ULK1: variants seen among roughly 807,000 people sequenced by gnomAD.
ULK1 encodes unc-51 like autophagy activating kinase 1.
In ULK1, 48 loss-of-function variants were observed where a neutral mutation model predicts 117.5. That is an observed-to-expected ratio of 0.41 (90% CI 0.32 to 0.52). The LOEUF is 0.52. ULK1 is among the 20% of genes least tolerant of loss of function. The pLI, the probability that ULK1 is intolerant of heterozygous loss-of-function variation, is 0.29. For synonymous variants in ULK1, 790 were observed against 637.8 expected (o/e 1.24, Z -3.60); for missense variants, 1,387 against 1,473.4 (o/e 0.94, Z 0.96).
chr12:131,921,910 G>GT lies in ULK1; in HGVS notation c.*550dup, dbSNP rs1566132638. 2.2e-6 allele frequency: 1 copy of GT among 457,050 alleles called. No homozygotes were observed. Among genetic ancestry groups the GT allele is most frequent in the South Asian group, 1.5e-5 (1 of 64,572 alleles). The allele number at this position is 457,050 out of a possible 1,614,324, so 28.3% of individuals were successfully genotyped here. On this transcript the variant is annotated 3_prime_UTR_variant, in exon 28 of 28. Transcript: ENST00000321867. ...GGCAGCGATTCCTGGCAGTGGCCTG[G>GT]TGTTTGTACATACACATATGCAGAC...
chr12:131,913,576 A>G (rs902839355), intron 14 of ULK1, among the ~76,000 whole-genome samples, 171 bp from the exon 15 acceptor site: 4 of 151,494 alleles, frequency 2.6e-5, no homozygotes, highest in Non-Finnish European at 5.9e-5. Context: ...GTGGTGGCAC[A>G]TGCCTGTAAT....
At position 131,903,770 on chromosome 12, in the gene ULK1, C is replaced by T. The variant is rs1889173179; in HGVS notation, c.247-3122C>T. On this transcript the variant is annotated intron_variant, in intron 3 of 27. Transcript: ENST00000321867. The surrounding 1 kb of genome is among the most constrained non-coding windows in gnomAD (Gnocchi z 6.0). ...TTTCTGCAAGGGACCATTTGAAGTG[C>T]AGGGAAGAGGCTGGAGGTGCTTCGG... Among the ~76,000 whole-genome samples, 1 of 152,122 alleles carries T rather than the reference C, an allele frequency of 6.6e-6. No individual in the cohort carries two copies. Among genetic ancestry groups the T allele is most frequent in the Non-Finnish European group, 1.5e-5 (1 of 68,006 alleles).
chr12:131,912,085 T>G lies in ULK1; in HGVS notation c.1092T>G (p.Phe364Leu), dbSNP rs753224154. Residue 364 changes from phenylalanine (F) to leucine (L), a missense_variant, in exon 13 of 28, where the codon TTT (phenylalanine) becomes TTG (leucine). Physicochemically the swap from Phe to Leu is conservative, Grantham distance 22. Transcript: ENST00000321867. ...TDDFVMVPAQ[F>L]PGDLVAEAPS... ...ACTTCGTCATGGTCCCCGCGCAGTT[T>G]CCAGGTCAGGGGGCACGCTGGGCTT... The G allele has an allele frequency of 6.2e-7, 1 of 1,611,340 alleles. No homozygotes were observed. The highest frequency in any genetic ancestry group is 1.3e-5 in the African/African-American group (1 of 74,914).
intron 26 of ULK1, chr12:131,920,452 G>T (rs891371015): frequency 5.8e-6 from 2 of 345,664 alleles, no homozygotes; most frequent in Admixed American, 8.9e-5. Context: ...AGCAGCACCT[G>T]GTCCCGGACA....
rs1273529649 is a variant in ULK1, at chr12:131,902,701, T to C, written c.247-4191T>C. 6.6e-6 allele frequency among the ~76,000 whole-genome samples: 1 copy of C among 151,960 alleles called. No individual in the cohort carries two copies. On this transcript the variant is annotated intron_variant, in intron 3 of 27. Transcript: ENST00000321867. This position sits in a 1 kb window ranked among gnomAD's most constrained non-coding sequence, Gnocchi z 6.3. Reference sequence around the variant, plus strand: ...GACCCACCTCCCGGGGTGGGGGTGATGGTGCAGGGAGCCTGGTGTGTTTGA... The same window carrying C: ...GACCCACCTCCCGGGGTGGGGGTGACGGTGCAGGGAGCCTGGTGTGTTTGA...
intron 25 of ULK1, 125 bp downstream of exon 25, chr12:131,919,715 C>G (rs868051675): frequency 7.0e-6 from 8 of 1,145,448 alleles, no homozygotes; most frequent in African/African-American, 6.2e-5. Flanking sequence ...GCAGAGGCCC[C>G]GGGGCCTGGC....
At chr12:131,910,221 C>G in intron 10 of ULK1, 33 bp from the exon 11 acceptor site, 1 of 1,613,018 alleles carries the variant, frequency 6.2e-7, no homozygotes, top group East Asian at 2.2e-5. Flanking sequence ...AGCTGGGGTC[C>G]TCCTGAGGCC....
chr12:131,907,176 C>T (rs1434733070), intron 4 of ULK1, among the ~76,000 whole-genome samples: 9 of 152,186 alleles, frequency 5.9e-5, no homozygotes, highest in East Asian at 1.9e-4. Context: ...TGTGCCACCA[C>T]GCCCGGCTAA....
In ULK1 at chr12:131,903,258, G is replaced by A. The variant is rs1889154533; in HGVS notation, c.247-3634G>A. Among the ~76,000 whole-genome samples, 1 of 152,156 alleles carries A rather than the reference G, an allele frequency of 6.6e-6. No individual in the cohort carries two copies. The highest frequency in any genetic ancestry group is 6.5e-5 in the Admixed American group (1 of 15,286). On this transcript the variant is annotated intron_variant, in intron 3 of 27. Transcript: ENST00000321867. This position sits in a 1 kb window ranked among gnomAD's most constrained non-coding sequence, Gnocchi z 6.0. ...TTGTTTGTCCTCACTTCTCATCCCT[G>A]ACTCTGCCAGGGTTGGAGACAGCAA... is the stretch of plus-strand genomic sequence containing the variant.
In ULK1 at chr12:131,908,672, C is replaced by G; in HGVS notation, c.345C>G (p.Ile115Met). ...TGCGCACGCTGAGCGAGGACACCAT[C>G]AGGCTCTTCCTGCAGCAGATCGCGG... is the stretch of plus-strand genomic sequence containing the variant. ...HAMRTLSEDTIRLFLQQIAGA... is the reference protein window; with the variant it reads ...HAMRTLSEDTMRLFLQQIAGA... The change falls in exon 6 of 28, where the codon ATC (isoleucine) becomes ATG (methionine). Residue 115 changes from isoleucine to methionine, a missense_variant. Ile to Met is a conservative substitution (Grantham distance 10). Coordinates refer to ENST00000321867, the MANE Select transcript of ULK1 (RefSeq NM_003565.4). 2 of 1,572,688 alleles carry G rather than the reference C, an allele frequency of 1.3e-6. No homozygotes were observed. The highest frequency in any genetic ancestry group is 1.7e-6 in the Non-Finnish European group (2 of 1,163,988).
chr12:131,920,097 C>T lies in ULK1; in HGVS notation c.2922C>T (p.Ile974=), dbSNP rs1386691761. Residue 974 remains isoleucine, a synonymous_variant, in exon 26 of 28, where the codon ATC becomes ATT. Transcript: ENST00000321867. ...GGCTCCTGGACCGCATTCACAGCAT[C>T]ACTGCCGAGAGGCTCATCTTCAGCC... ...KQRLLDRIHS[I]TAERLIFSHA... is the part of the protein sequence containing the mutation. The T allele has an allele frequency of 6.2e-7, 1 of 1,612,838 alleles. No individual in the cohort carries two copies. Among genetic ancestry groups the T allele is most frequent in the East Asian group, 2.2e-5 (1 of 44,888 alleles).
chr12:131,919,833 C>T (rs559907845), intron 25 of ULK1, 146 bp from the exon 26 acceptor site: 1 of 1,265,230 alleles, frequency 7.9e-7, no homozygotes, highest in Admixed American at 2.4e-5. Flanking sequence ...GGTGCGGAGC[C>T]TGGCCACACC....
intron 21 of ULK1, 84 bp from the exon 22 acceptor site, chr12:131,917,327 A>G (rs1593274321): frequency 4.8e-6 from 4 of 835,754 alleles, no homozygotes; most frequent in Admixed American, 1.1e-4. Flanking sequence ...AGGCCGTGGG[A>G]TGGGGGTCGG....
chr12:131,908,590 C>A, intron 5 of ULK1, 54 bp from the exon 6 acceptor site: 6 of 1,427,304 alleles, frequency 4.2e-6, no homozygotes, highest in Non-Finnish European at 5.5e-6. Context: ...GCGCGGGACT[C>A]ACCCCTGGGG....
In ULK1 at chr12:131,916,552, G is replaced by A. The variant is rs769010991; in HGVS notation, c.2033G>A (p.Gly678Asp). Residue 678 changes from glycine (G) to aspartate (D), a missense_variant, in exon 20 of 28, where the codon GGC becomes GAC. Physicochemically the swap from Gly to Asp is moderately conservative, Grantham distance 94 (BLOSUM62 -1). Transcript: ENST00000321867. ...GPFHGQPLGP[G>D]LRPGEDPKGP... ...TTCCATGGTCAGCCGTTGGGCCCTG[G>A]CCTGCGGCCAGGCGAGGACCCCAAG... is the stretch of plus-strand genomic sequence containing the variant. 14 of 1,603,892 alleles carry A rather than the reference G, an allele frequency of 8.7e-6. No individual in the cohort carries two copies. The highest frequency in any genetic ancestry group is 2.5e-6 in the Non-Finnish European group (3 of 1,177,904).
chr12:131,912,145 A>G (rs1418239604), intron 13 of ULK1, 56 bp downstream of exon 13: 5 of 1,560,048 alleles, frequency 3.2e-6, no homozygotes, highest in Non-Finnish European at 4.3e-6. Flanking sequence ...GGGACAGTGC[A>G]TTGCATGTGT....
At chr12:131,911,897 G>A in intron 12 of ULK1, 45 bp from the exon 13 acceptor site, 2 of 1,612,502 alleles carry the variant, frequency 1.2e-6, no homozygotes, top group East Asian at 4.5e-5. Context: ...CCCTGAGTGT[G>A]TAGGTCCCTG....
chr12:131,907,180 C>T (rs546788706), intron 4 of ULK1, among the ~76,000 whole-genome samples: 2 of 152,158 alleles, frequency 1.3e-5, no homozygotes, highest in Non-Finnish European at 2.9e-5. Flanking sequence ...CCACCACGCC[C>T]GGCTAATTTT....
chr12:131,918,454 G>A, intron 22 of ULK1, 43 bp from the exon 23 acceptor site: 1 of 1,577,914 alleles, frequency 6.3e-7, no homozygotes, highest in Non-Finnish European at 8.6e-7. Flanking sequence ...GGGCCACGGT[G>A]TCTGCTGGTC....
Sources: gnomAD v4.1 joint callset for allele counts (sites outside exome capture counted in the v4.1 genomes callset) on GRCh38, gnomAD v4.1.1 for gene constraint, Gnocchi (gnomAD v3.1) non-coding constraint, MANE v1.5 for transcripts, NCBI Gene and HGNC (gene_info 2026-07-23, HGNC 2026-07-21) for gene names.